The following CDH19 variants were observed in gnomAD, a reference collection of about 807,000 sequenced individuals.
CDH19 encodes cadherin 19, also known as cadherin-19.
A neutral mutation model predicts 64.2 loss-of-function variants in CDH19; 67 were observed. The observed-to-expected ratio is 1.04, with a 90% CI of 0.86 to 1.28. The LOEUF (loss-of-function observed/expected upper bound fraction) is 1.28. Among genes scored for constraint, CDH19 ranks in the 50% most tolerant of loss-of-function variants. CDH19 has a pLI of 0.00. For synonymous variants in CDH19, 346 were observed against 319.3 expected (o/e 1.08, Z -0.89); for missense variants, 1,030 against 929.0 (o/e 1.11, Z -1.41).
Position 66,532,489 on chromosome 18 carries a change from TACACACACAC to T in CDH19, c.1336+2487_1336+2496del, listed in dbSNP as rs34280650. 4 of 146,656 alleles carry T rather than the reference TACACACACAC, an allele frequency of 2.7e-5. No homozygotes were observed. The South Asian group carries it at 7.1e-4, about 26-fold the overall frequency. 9.1% of individuals were successfully genotyped at this position (146,656 alleles called of 1,614,324 possible). On this transcript the variant is annotated intron_variant, in intron 8 of 11. Transcript: ENST00000262150. Reference sequence around the variant, plus strand: ...TTCCTTCCTTTTCTCAGAGCATTCATACACACACACACACACACACACACACACACAGAGA... The same window carrying T: ...TTCCTTCCTTTTCTCAGAGCATTCATACACACACACACACACACACAGAGA...
At chr18:66,584,145 A>C (rs1599035326) in intron 1 of CDH19, among the ~76,000 whole-genome samples, 1 of 152,056 alleles carries the variant, frequency 6.6e-6, no homozygotes, top group Admixed American at 6.6e-5. Flanking sequence ...AGAACTTAAC[A>C]AAAATTTACA....
chr18:66,512,471 A>C (rs182676198), intron 9 of CDH19, among the ~76,000 whole-genome samples: 1 of 151,660 alleles, frequency 6.6e-6, no homozygotes, highest in African/African-American at 2.4e-5. Context: ...TTCTACAATT[A>C]AAGTGCCTTT....
chr18:66,527,607 G>A (rs1428710495), intron 9 of CDH19, among the ~76,000 whole-genome samples: 1 of 151,962 alleles, frequency 6.6e-6, no homozygotes, highest in Admixed American at 6.6e-5. Context: ...AAATTTAGCC[G>A]GGTGTGGTGG....
chr18:66,568,801 C>T (rs1988006625), intron 2 of CDH19, 91 bp from the exon 3 acceptor site: 1 of 995,172 alleles, frequency 1.0e-6, no homozygotes, highest in African/African-American at 1.6e-5. Flanking sequence ...GTTAATTATT[C>T]CCCAAGTTAA....
chr18:66,558,018 G>A (rs1263610547), intron 3 of CDH19, among the ~76,000 whole-genome samples: 1 of 151,512 alleles, frequency 6.6e-6, no homozygotes, highest in Non-Finnish European at 1.5e-5. Context: ...TGTCCTAGGC[G>A]TTTGCTCCTT....
At chr18:66,597,061 G>A (rs866810915) in intron 1 of CDH19, among the ~76,000 whole-genome samples, 97 of 102,156 alleles carry the variant, frequency 9.5e-4, no homozygotes, top group Middle Eastern at 8.9e-3. Flanking sequence ...CAGCCTGGGC[G>A]ACAGAGCGAG....
At chr18:66,513,441 T>C (rs909851952) in intron 9 of CDH19, among the ~76,000 whole-genome samples, 4 of 151,486 alleles carry the variant, frequency 2.6e-5, no homozygotes, top group African/African-American at 7.2e-5. Flanking sequence ...ATAATTACTT[T>C]ATAAAAATAG....
intron 10 of CDH19, among the ~76,000 whole-genome samples, chr18:66,511,004 A>G (rs1487292906): frequency 6.6e-6 from 1 of 151,754 alleles, no homozygotes; most frequent in Non-Finnish European, 1.5e-5. Flanking sequence ...GTGGCTTTGT[A>G]TAAAGTTAAT....
At chr18:66,528,054 T>G (rs1986294497) in intron 9 of CDH19, among the ~76,000 whole-genome samples, 1 of 151,712 alleles carries the variant, frequency 6.6e-6, no homozygotes, top group Non-Finnish European at 1.5e-5. Context: ...ATTTGATATA[T>G]ATTTATTAGA....
chr18:66,551,203 T>A lies in CDH19; in HGVS notation c.666A>T (p.Val222=). 6.3e-7 allele frequency: 1 copy of A among 1,581,532 alleles called. No homozygotes were observed. The highest frequency in any genetic ancestry group is 8.7e-7 in the Non-Finnish European group (1 of 1,150,820). The stretch of plus-strand genomic sequence containing the variant: ...CAATCATGTCCTTGGCTTGAATGAT[T>A]ACCCAATACTCATCTTGCAGTTCTC... ...MDRELQDEYW[V]IIQAKDMIGQ... Residue 222 remains valine, a synonymous_variant, in exon 5 of 12, where the codon GTA becomes GTT. Coordinates refer to ENST00000262150, the MANE Select transcript of CDH19 (RefSeq NM_021153.4).
At position 66,504,706 on chromosome 18, in the gene CDH19, A is replaced by T; in HGVS notation, c.*106T>A. ...CTCCAGGGAAATCAGAAAACTCCAT[A>T]GACTAGGGCTTTCCCCGCCATAGAG... On this transcript the variant is annotated 3_prime_UTR_variant, in exon 12 of 12. Coordinates refer to ENST00000262150, the MANE Select transcript of CDH19 (RefSeq NM_021153.4). 2 of 1,179,468 alleles carry T rather than the reference A, an allele frequency of 1.7e-6. No individual in the cohort carries two copies. Among genetic ancestry groups the T allele is most frequent in the Non-Finnish European group, 2.3e-6 (2 of 851,106 alleles). The allele number at this position is 1,179,468 out of a possible 1,614,324, so 73.1% of individuals were successfully genotyped here. A position where few individuals can be genotyped will look rare whatever the true frequency, so the allele number is the denominator to read the frequency against.
rs1987439981 is a variant in CDH19 at position 66,554,340 on chromosome 18, A to G, written c.610+65T>C. The stretch of plus-strand genomic sequence containing the variant: ...CTGTAAAACATGTTTCTAAGCAGAT[A>G]ATTTTTGCTGACAATTGCCTTCTTT... On this transcript the variant is annotated intron_variant, in intron 4 of 11. Coordinates refer to ENST00000262150, the MANE Select transcript of CDH19 (RefSeq NM_021153.4). The G allele has an allele frequency of 5.2e-6, 8 of 1,544,804 alleles. No homozygotes were observed. The East Asian group carries it at 1.8e-4, about 35-fold the overall frequency.
intron 9 of CDH19, among the ~76,000 whole-genome samples, chr18:66,529,403 A>C (rs1986348269): frequency 6.6e-6 from 1 of 151,394 alleles, no homozygotes; most frequent in Non-Finnish European, 1.5e-5. Flanking sequence ...GTATAAATGA[A>C]CTACTGAATA....
chr18:66,578,651 A>G (rs1298050364), intron 1 of CDH19, among the ~76,000 whole-genome samples: 1 of 151,982 alleles, frequency 6.6e-6, no homozygotes, highest in Non-Finnish European at 1.5e-5. Context: ...CTATCTAGAT[A>G]TCTACCTAAG....
chr18:66,558,625 A>G (rs1987607805), intron 3 of CDH19, among the ~76,000 whole-genome samples: 2 of 152,166 alleles, frequency 1.3e-5, no homozygotes, highest in South Asian at 4.1e-4. Flanking sequence ...TTTTATAAAG[A>G]CTTGTTATTT....
At chr18:66,511,763 T>G in intron 9 of CDH19, 78 bp from the exon 10 acceptor site, 4 of 732,108 alleles carry the variant, frequency 5.5e-6, no homozygotes, top group Non-Finnish European at 9.8e-6. Context: ...TTATTAGCTT[T>G]TATTCACATT....
chr18:66,564,797 G>A (rs1025217671), intron 3 of CDH19, among the ~76,000 whole-genome samples: 1 of 150,874 alleles, frequency 6.6e-6, no homozygotes, highest in Non-Finnish European at 1.5e-5. Context: ...CAGAAGATAA[G>A]TTACCCGACT....
chr18:66,509,794 A>G (rs1438777070), intron 10 of CDH19, among the ~76,000 whole-genome samples: 1 of 151,866 alleles, frequency 6.6e-6, no homozygotes, highest in African/African-American at 2.4e-5. Context: ...ATATCAAAGC[A>G]CATGATCTCA....
At chr18:66,508,070 A>G (rs961078830) in intron 11 of CDH19, among the ~76,000 whole-genome samples, 2 of 151,958 alleles carry the variant, frequency 1.3e-5, no homozygotes, top group African/African-American at 4.8e-5. Context: ...GCTTTAAATA[A>G]GAAAGAAGTT....
Sources: gnomAD v4.1 joint callset for allele counts (sites outside exome capture counted in the v4.1 genomes callset) on GRCh38, gnomAD v4.1.1 for gene constraint, MANE v1.5 for transcripts, NCBI Gene and HGNC (gene_info 2026-07-23, HGNC 2026-07-21) for gene names.